The following UTP18 variants were observed in gnomAD, a reference collection of about 807,000 sequenced individuals.
The protein encoded by UTP18 is UTP18 small subunit processome component.
Under a neutral mutation model 61.1 loss-of-function variants are expected in UTP18, and 36 were observed. That is an observed-to-expected ratio of 0.59 (90% CI 0.45 to 0.78). The LOEUF (loss-of-function observed/expected upper bound fraction) is 0.78. Ranked by LOEUF, UTP18 falls within the 30% of genes least tolerant of loss-of-function variation. The pLI, the probability that UTP18 is intolerant of heterozygous loss-of-function variation, is 0.00. For synonymous variants in UTP18, 282 were observed against 251.1 expected (o/e 1.12, Z -1.16); for missense variants, 753 against 693.9 (o/e 1.09, Z -0.96).
chr17:51,270,065 A>G (rs1904474055), intron 4 of UTP18, among the ~76,000 whole-genome samples: 1 of 152,180 alleles, frequency 6.6e-6, no homozygotes, highest in Non-Finnish European at 1.5e-5. Flanking sequence ...CGTGTTGGCC[A>G]GGCTGGTCTT....
chr17:51,290,914 T>C lies in UTP18; in HGVS notation c.1503+2711T>C, dbSNP rs1279668124. Reference sequence around the variant, plus strand: ...TATAATGATCTAGACGGTTTTGTCATCCCATTACAAAGCACTGTGAATTTA... The same window carrying C: ...TATAATGATCTAGACGGTTTTGTCACCCCATTACAAAGCACTGTGAATTTA... On this transcript the variant is annotated intron_variant, in intron 11 of 13. Coordinates refer to ENST00000225298, the MANE Select transcript of UTP18 (RefSeq NM_016001.3). 2.0e-5 allele frequency among the ~76,000 whole-genome samples: 3 copies of C among 152,324 alleles called. No individual in the cohort carries two copies. In the East Asian group the frequency reaches 5.8e-4, roughly 29 times the overall value.
rs1317778586 is a variant in UTP18, at chr17:51,260,588, C to T, written c.4C>T (p.Pro2Ser). 1.2e-6 allele frequency: 2 copies of T among 1,611,650 alleles called. No individual in the cohort carries two copies. Among genetic ancestry groups the T allele is most frequent in the Admixed American group, 1.7e-5 (1 of 59,774 alleles). M[P>S]PERRRRMKLD... ...GCGTTTCTCCTCAAACCTAACGATG[C>T]CGCCGGAGCGGAGGAGACGAATGAA... The change falls in exon 1 of 14, where the codon CCG (proline) becomes TCG (serine). Residue 2 changes from proline to serine, a missense_variant. Coordinates refer to ENST00000225298, the MANE Select transcript of UTP18 (RefSeq NM_016001.3).
chr17:51,274,452 G>T (rs991709958), intron 5 of UTP18, among the ~76,000 whole-genome samples: 25 of 151,944 alleles, frequency 1.6e-4, no homozygotes, highest in Non-Finnish European at 8.8e-5. Flanking sequence ...TTGTTTGTTT[G>T]TTTTTTTGAG....
At chr17:51,268,242 G>A (rs575392454) in intron 3 of UTP18, among the ~76,000 whole-genome samples, 8 of 152,162 alleles carry the variant, frequency 5.3e-5, no homozygotes, top group Admixed American at 1.3e-4. Context: ...TAGCCAGGAT[G>A]GTCTCAATCT....
intron 4 of UTP18, among the ~76,000 whole-genome samples, chr17:51,269,996 C>A (rs1026749078): frequency 6.6e-6 from 1 of 152,064 alleles, no homozygotes; most frequent in Admixed American, 6.6e-5. Flanking sequence ...GCTGGGGTTA[C>A]AGGTGTGCGC....
intron 7 of UTP18, among the ~76,000 whole-genome samples, chr17:51,278,212 C>T (rs974147752): frequency 2.6e-5 from 4 of 152,076 alleles, no homozygotes; most frequent in African/African-American, 7.2e-5. Flanking sequence ...TAAATGTGCA[C>T]GTGAATCACC....
chr17:51,277,883 A>G (rs922360913), intron 7 of UTP18, among the ~76,000 whole-genome samples: 4 of 152,154 alleles, frequency 2.6e-5, no homozygotes, highest in Non-Finnish European at 5.9e-5. Context: ...CCCAAAATAC[A>G]CCGACACCTT....
At chr17:51,270,218 GTA>G (rs1490799047) in intron 4 of UTP18, among the ~76,000 whole-genome samples, 1 of 152,030 alleles carries the variant, frequency 6.6e-6, no homozygotes, top group East Asian at 1.9e-4. Context: ...ATTTTGAAAT[GTA>G]TGTCCCAACA....
At chr17:51,264,663 A>G (rs971315864) in intron 2 of UTP18, among the ~76,000 whole-genome samples, 21 of 149,834 alleles carry the variant, frequency 1.4e-4, no homozygotes, top group African/African-American at 4.7e-4. Context: ...GTTTTGAGGA[A>G]GTGTTTTTGT....
chr17:51,261,264 C>T (rs928028143), intron 1 of UTP18, among the ~76,000 whole-genome samples: 1 of 152,216 alleles, frequency 6.6e-6, no homozygotes, highest in Non-Finnish European at 1.5e-5. Flanking sequence ...TGATCACCTG[C>T]CTCAGTTCCT....
chr17:51,290,387 G>A (rs939542834), intron 11 of UTP18, among the ~76,000 whole-genome samples: 2 of 152,146 alleles, frequency 1.3e-5, no homozygotes, highest in African/African-American at 4.8e-5. Flanking sequence ...CTGTACTCCA[G>A]CCTGGGTGAC....
chr17:51,294,039 T>C lies in UTP18; in HGVS notation c.1640T>C (p.Met547Thr). Reference sequence around the variant, plus strand: ...GGGAATGAAAAGGGCAAGGCCCTGATGTATAGGTAGGTATTATTTATGTTT... The same window carrying C: ...GGGAATGAAAAGGGCAAGGCCCTGACGTATAGGTAGGTATTATTTATGTTT... Reference protein sequence around the residue: ...ALGNEKGKALMYRLHHYSDF With the variant: ...ALGNEKGKALTYRLHHYSDF Residue 547 changes from methionine (M) to threonine (T), a missense_variant, in exon 12 of 14, where the codon ATG becomes ACG. Met to Thr is a moderately conservative substitution (Grantham distance 81, BLOSUM62 -1). Transcript: ENST00000225298. 1 of 1,596,670 alleles carries C rather than the reference T, an allele frequency of 6.3e-7. No individual in the cohort carries two copies.
intron 1 of UTP18, among the ~76,000 whole-genome samples, chr17:51,261,658 A>G (rs1035506289): frequency 1.3e-5 from 2 of 152,214 alleles, no homozygotes; most frequent in South Asian, 4.1e-4. Context: ...ATAAACGAGT[A>G]AACTTCAGGT....
At chr17:51,270,329 C>T (rs1322869118) in intron 4 of UTP18, among the ~76,000 whole-genome samples, 2 of 152,102 alleles carry the variant, frequency 1.3e-5, no homozygotes, top group Non-Finnish European at 2.9e-5. Flanking sequence ...TTAAACATCC[C>T]TCGTTATTTT....
At chr17:51,297,720 C>T (rs1462447086) in intron 13 of UTP18, 62 bp from the exon 14 acceptor site, 6 of 434,108 alleles carry the variant, frequency 1.4e-5, no homozygotes, top group African/African-American at 6.2e-5. Context: ...ATTGCCAGTA[C>T]GTGTCTGTTG....
Position 51,264,196 on chromosome 17 carries a change from C to G in UTP18, c.455+810C>G, listed in dbSNP as rs368250452. Among the ~76,000 whole-genome samples the G allele has an allele frequency of 3.3e-5, 5 of 151,962 alleles. No individual in the cohort carries two copies. In the East Asian group the frequency reaches 5.8e-4, roughly 18 times the overall value. On this transcript the variant is annotated intron_variant, in intron 2 of 13. Transcript: ENST00000225298. ...TGACTACAGGCGTGTGCCACCACAC[C>G]TGGCTAATTTTTGTATTTTTAGTAG...
intron 2 of UTP18, among the ~76,000 whole-genome samples, chr17:51,264,455 T>C (rs1054875860): frequency 1.4e-4 from 22 of 152,208 alleles, no homozygotes; most frequent in African/African-American, 5.3e-4. Flanking sequence ...TTCTTTGAGG[T>C]AGAATTACTT....
At chr17:51,296,793 C>G (rs1362961486) in intron 12 of UTP18, 172 bp from the exon 13 acceptor site, 2 of 576,910 alleles carry the variant, frequency 3.5e-6, no homozygotes, top group Admixed American at 3.8e-5. Context: ...CTGAGGCGTT[C>G]AGATCCTCCA....
Position 51,293,940 on chromosome 17 carries a change from C to T in UTP18, c.1541C>T (p.Pro514Leu). 1 of 1,602,514 alleles carries T rather than the reference C, an allele frequency of 6.2e-7. No individual in the cohort carries two copies. Among genetic ancestry groups the T allele is most frequent in the Non-Finnish European group, 8.5e-7 (1 of 1,174,424 alleles). Residue 514 changes from proline to leucine, a missense_variant, in exon 12 of 14, where the codon CCA becomes CTA. Coordinates refer to ENST00000225298, the MANE Select transcript of UTP18 (RefSeq NM_016001.3). ...TCCTGTACAGTATTTTCAAACTTCCCAGTCATTAAAAATAAGAATATTTCT... is the reference window on the plus strand; with the variant it reads ...TCCTGTACAGTATTTTCAAACTTCCTAGTCATTAAAAATAAGAATATTTCT... The part of the protein sequence containing the change: ...LPSCTVFSNF[P>L]VIKNKNISHV...
Sources: gnomAD v4.1 joint callset for allele counts (sites outside exome capture counted in the v4.1 genomes callset) on GRCh38, gnomAD v4.1.1 for gene constraint, MANE v1.5 for transcripts, NCBI Gene and HGNC (gene_info 2026-07-23, HGNC 2026-07-21) for gene names.